Variants in FAF1 observed in about 807,000 individuals in gnomAD.
FAF1 encodes FAS-associated factor 1.
Under a neutral mutation model 92.5 loss-of-function variants are expected in FAF1, and 25 were observed. That is an observed-to-expected ratio of 0.27 (90% CI 0.20 to 0.38). The LOEUF (loss-of-function observed/expected upper bound fraction) is 0.38. FAF1 is among the 10% of genes least tolerant of loss of function. The pLI, the probability that FAF1 is intolerant of heterozygous loss-of-function variation, is 1.00. For missense variants in FAF1, 636 were observed against 793.3 expected (o/e 0.80, Z 2.38); for synonymous variants, 234 against 273.2 (o/e 0.86, Z 1.42).
At chr1:50,796,398 C>T (rs1014815496) in intron 3 of FAF1, among the ~76,000 whole-genome samples, 2 of 152,120 alleles carry the variant, frequency 1.3e-5, no homozygotes, top group Admixed American at 6.5e-5. Context: ...GCCAAAGCTA[C>T]CATTATCAGC....
intron 4 of FAF1, among the ~76,000 whole-genome samples, chr1:50,757,332 G>C (rs949693597): frequency 4.6e-5 from 7 of 152,274 alleles, no homozygotes; most frequent in African/African-American, 1.7e-4. Context: ...ATCTCCAATT[G>C]TGAATTTATC....
chr1:50,626,903 TTGA>T (rs1653524008), intron 8 of FAF1, among the ~76,000 whole-genome samples: 1 of 152,002 alleles, frequency 6.6e-6, no homozygotes. Flanking sequence ...TGGACAGGAA[TTGA>T]TGATGATTTA....
chr1:50,566,440 T>C (rs1650178041), intron 13 of FAF1, among the ~76,000 whole-genome samples: 1 of 152,178 alleles, frequency 6.6e-6, no homozygotes, highest in East Asian at 1.9e-4. Context: ...CATGATGAAA[T>C]ATATTTCAGA....
chr1:50,927,151 A>T (rs1645012373), intron 1 of FAF1, among the ~76,000 whole-genome samples: 1 of 152,218 alleles, frequency 6.6e-6, no homozygotes, highest in Admixed American at 6.5e-5. Context: ...GGAAGATGAA[A>T]ACGTTCTAGA....
At chr1:50,723,396 T>C (rs36071834) in intron 6 of FAF1, among the ~76,000 whole-genome samples, 43,956 of 142,256 alleles carry the variant, frequency 0.31, 6,676 homozygotes, top group Middle Eastern at 0.48. Context: ...CAAGACTGTC[T>C]CCAAAAAAAA....
chr1:50,942,747 GTT>G (rs528629170), intron 1 of FAF1, among the ~76,000 whole-genome samples: 5 of 140,288 alleles, frequency 3.6e-5, no homozygotes, highest in Non-Finnish European at 1.6e-5. Flanking sequence ...AGTTGTCGTT[GTT>G]TTTTTTTTTT....
At chr1:50,660,492 ATTTC>A (rs1007533240) in intron 7 of FAF1, among the ~76,000 whole-genome samples, 1 of 150,976 alleles carries the variant, frequency 6.6e-6, no homozygotes, top group Non-Finnish European at 1.5e-5. Context: ...AGAGAACTAG[ATTTC>A]TTTCTTTTTT....
At chr1:50,520,418 G>A (rs913454228) in intron 15 of FAF1, among the ~76,000 whole-genome samples, 3 of 152,150 alleles carry the variant, frequency 2.0e-5, no homozygotes, top group East Asian at 3.8e-4. Flanking sequence ...AATTGTCTAC[G>A]ATCTGCAAAC....
rs1644135764 is a variant in FAF1, at chr1:50,829,745, C to T, written c.115-28068G>A. ...ACTTGTTTCTTCTAAATCTGGACAG[C>T]TGACATTATATCCTGTAACTGAGTT... On this transcript the variant is annotated intron_variant, in intron 2 of 18. Coordinates refer to ENST00000396153, the MANE Select transcript of FAF1 (RefSeq NM_007051.3). Among the ~76,000 whole-genome samples the T allele has an allele frequency of 3.3e-5, 5 of 152,228 alleles. No homozygotes were observed. The South Asian group carries it at 1.0e-3, about 31-fold the overall frequency.
intron 15 of FAF1, among the ~76,000 whole-genome samples, chr1:50,532,182 G>C (rs1648212207): frequency 6.6e-6 from 1 of 152,016 alleles, no homozygotes; most frequent in Non-Finnish European, 1.5e-5. Flanking sequence ...TAAAAACAAA[G>C]AGAAATCCTT....
At chr1:50,765,855 C>G (rs892020496) in intron 4 of FAF1, among the ~76,000 whole-genome samples, 2 of 152,182 alleles carry the variant, frequency 1.3e-5, no homozygotes, top group African/African-American at 4.8e-5. Context: ...CTTTGGAAGG[C>G]TGAGGCAGGT....
chr1:50,567,009 T>C, intron 13 of FAF1, 68 bp downstream of exon 13: 1 of 1,212,390 alleles, frequency 8.2e-7, no homozygotes, highest in Non-Finnish European at 1.1e-6. Flanking sequence ...ATGTTTATGA[T>C]GATGATAAAC....
At chr1:50,760,054 CCTTTGTCAGATGAGTAGGTTGCT>C (rs754329903) in intron 4 of FAF1, among the ~76,000 whole-genome samples, 266 of 152,026 alleles carry the variant, frequency 1.7e-3, no homozygotes, top group Non-Finnish European at 3.3e-3. Flanking sequence ...GGATACTCGC[CCTTTGTCAGATGAGTAGGTTGCT>C]CTTTGTCAGA....
At chr1:50,820,280 G>T (rs1428317262) in intron 2 of FAF1, among the ~76,000 whole-genome samples, 1 of 152,040 alleles carries the variant, frequency 6.6e-6, no homozygotes, top group Non-Finnish European at 1.5e-5. Flanking sequence ...TTCAAATCCT[G>T]GTTCTAGCAT....
At chr1:50,499,027 G>A (rs529491119) in intron 15 of FAF1, among the ~76,000 whole-genome samples, 19 of 152,080 alleles carry the variant, frequency 1.2e-4, no homozygotes, top group African/African-American at 4.3e-4. Context: ...TACCTACAGT[G>A]GAATATTATT....
At chr1:50,579,016 T>G (rs189893713) in intron 12 of FAF1, among the ~76,000 whole-genome samples, 3 of 152,240 alleles carry the variant, frequency 2.0e-5, no homozygotes, top group Admixed American at 2.0e-4. Flanking sequence ...GGATTTTGGT[T>G]ACAAATCTAA....
At chr1:50,738,466 TATATC>T (rs2124484640) in intron 6 of FAF1, among the ~76,000 whole-genome samples, 1 of 149,178 alleles carries the variant, frequency 6.7e-6, no homozygotes, top group African/African-American at 2.5e-5. Flanking sequence ...AAAAAAAAAT[TATATC>T]AGTGTTTTTC....
intron 13 of FAF1, among the ~76,000 whole-genome samples, chr1:50,545,263 C>G (rs1426279368): frequency 6.6e-6 from 1 of 152,028 alleles, no homozygotes; most frequent in Non-Finnish European, 1.5e-5. Flanking sequence ...GAATTTGCTC[C>G]TAATTATAGC....
At chr1:50,767,350 GA>G (rs1660613085) in intron 4 of FAF1, among the ~76,000 whole-genome samples, 2 of 152,126 alleles carry the variant, frequency 1.3e-5, no homozygotes, top group Non-Finnish European at 2.9e-5. Flanking sequence ...TGGTGTCCCT[GA>G]AAAAGAGGGA....
Sources: allele counts gnomAD v4.1 joint callset (sites outside exome capture counted in the v4.1 genomes callset), GRCh38; gene constraint gnomAD v4.1.1; transcripts MANE v1.5; gene names NCBI Gene and HGNC (gene_info 2026-07-23, HGNC 2026-07-21).